GALNTL6: variants seen among roughly 807,000 people sequenced by gnomAD.
The protein encoded by GALNTL6 is polypeptide N-acetylgalactosaminyltransferase-like 6.
In GALNTL6, 46 loss-of-function variants were observed where a neutral mutation model predicts 73.7. That is an observed-to-expected ratio of 0.62 (90% confidence interval 0.49 to 0.80). The LOEUF is 0.80. Ranked by LOEUF, GALNTL6 falls within the 30% of genes least tolerant of loss-of-function variation. The pLI is 0.00. For missense variants in GALNTL6, 604 were observed against 755.0 expected, an observed-to-expected ratio of 0.80 and a Z score of 2.34; for synonymous variants, 259 against 263.7, an observed-to-expected ratio of 0.98 and a Z score of 0.17.
chr4:171,986,736 T>A (rs958850292), intron 2 of GALNTL6, among the ~76,000 whole-genome samples: 1 of 152,054 alleles, frequency 6.6e-6, no homozygotes, highest in African/African-American at 2.4e-5. Flanking sequence ...TTGTATGAAT[T>A]GAAAAACTAA....
intron 2 of GALNTL6, among the ~76,000 whole-genome samples, chr4:172,092,273 G>A (rs575299853): frequency 1.7e-4 from 26 of 151,986 alleles, no homozygotes; most frequent in South Asian, 6.2e-4. Flanking sequence ...TTATAATTAC[G>A]ACTAATAACA....
At chr4:172,379,961 T>C in intron 5 of GALNTL6, 1 of 750,630 alleles carries the variant, frequency 1.3e-6, no homozygotes. Flanking sequence ...GTCCATTAAA[T>C]GTAAACCAAA....
At chr4:172,159,312 C>T (rs541161967) in intron 2 of GALNTL6, among the ~76,000 whole-genome samples, 4 of 152,110 alleles carry the variant, frequency 2.6e-5, no homozygotes, top group African/African-American at 4.8e-5. Context: ...GTGAGCAAAT[C>T]GGTTATTGTC....
chr4:172,156,540 AATAT>A (rs5864120), intron 2 of GALNTL6, among the ~76,000 whole-genome samples: 2,053 of 125,078 alleles, frequency 0.016, 96 homozygotes, highest in African/African-American at 0.048. Context: ...ATATATATAT[AATAT>A]ATATATATAT....
chr4:172,191,512 G>A (rs1050858853), intron 2 of GALNTL6, among the ~76,000 whole-genome samples: 2 of 151,978 alleles, frequency 1.3e-5, no homozygotes, highest in African/African-American at 4.8e-5. Context: ...CTACTCTTAA[G>A]GATCCTCATG....
intron 7 of GALNTL6, among the ~76,000 whole-genome samples, chr4:172,835,336 A>C (rs575724484): frequency 6.6e-6 from 1 of 152,362 alleles, no homozygotes; most frequent in South Asian, 2.1e-4. Context: ...GAGACCTCGA[A>C]GGATGAGGAG....
At chr4:172,467,777 C>CA (rs1732876243) in intron 5 of GALNTL6, among the ~76,000 whole-genome samples, 1 of 151,102 alleles carries the variant, frequency 6.6e-6, no homozygotes, top group Non-Finnish European at 1.5e-5. Context: ...ACTTTCTGAA[C>CA]ATTTGTTGAG....
At chr4:172,768,363 G>T (rs1738561635) in intron 5 of GALNTL6, among the ~76,000 whole-genome samples, 2 of 152,102 alleles carry the variant, frequency 1.3e-5, no homozygotes, top group African/African-American at 4.8e-5. Flanking sequence ...ATACCAGTGG[G>T]GTATGGGAGG....
chr4:171,911,661 T>A (rs891080181), intron 2 of GALNTL6, among the ~76,000 whole-genome samples: 4 of 152,150 alleles, frequency 2.6e-5, no homozygotes, highest in Non-Finnish European at 4.4e-5. Flanking sequence ...ATAAGGAAAG[T>A]GTAGATGAGA....
chr4:172,126,564 A>G (rs1024792343), intron 2 of GALNTL6, among the ~76,000 whole-genome samples: 3 of 152,158 alleles, frequency 2.0e-5, no homozygotes, highest in Admixed American at 1.3e-4. Flanking sequence ...GCGGCTCCCC[A>G]GTGTGGGCAA....
At chr4:171,845,978 C>T (rs1198957753) in intron 2 of GALNTL6, among the ~76,000 whole-genome samples, 1 of 152,126 alleles carries the variant, frequency 6.6e-6, no homozygotes, top group Non-Finnish European at 1.5e-5. Flanking sequence ...CATGGTCATT[C>T]ACTGTAAATT....
chr4:171,939,687 T>A (rs893859511), intron 2 of GALNTL6, among the ~76,000 whole-genome samples: 2 of 152,018 alleles, frequency 1.3e-5, no homozygotes, highest in African/African-American at 4.8e-5. Flanking sequence ...AGGGTTATTA[T>A]CCTTCATTGT....
Position 172,972,066 on chromosome 4 carries a change from GAA to G in GALNTL6, c.1371+19814_1371+19815del, listed in dbSNP as rs1166919883. Among the ~76,000 whole-genome samples, 4 of 152,070 alleles carry G rather than the reference GAA, an allele frequency of 2.6e-5. No homozygotes were observed. The East Asian group carries it at 7.7e-4, about 29-fold the overall frequency. The stretch of plus-strand genomic sequence containing the variant: ...TAGGAAGCAAGGTAGAATACAGAGA[GAA>G]AAAAAGTCAAAAAGTTAAAAGAGAC... On this transcript the variant is annotated intron_variant, in intron 10 of 12. Transcript: ENST00000506823.
At chr4:171,826,980 T>C (rs1421600811) in intron 2 of GALNTL6, among the ~76,000 whole-genome samples, 1 of 152,124 alleles carries the variant, frequency 6.6e-6, no homozygotes, top group African/African-American at 2.4e-5. Flanking sequence ...ATCGGGAGTG[T>C]CAACCTTAAA....
intron 2 of GALNTL6, among the ~76,000 whole-genome samples, chr4:172,114,402 G>A (rs374006383): frequency 2.0e-5 from 3 of 152,082 alleles, no homozygotes; most frequent in Non-Finnish European, 2.9e-5. Context: ...TAAGTCATTC[G>A]TTCCTCATCA....
At chr4:172,217,332 G>C (rs1473425121) in intron 2 of GALNTL6, among the ~76,000 whole-genome samples, 3 of 152,134 alleles carry the variant, frequency 2.0e-5, no homozygotes, top group Admixed American at 2.0e-4. Flanking sequence ...ACATTGGAAA[G>C]TAAGTCGCAA....
chr4:172,347,134 C>T (rs148692164), intron 4 of GALNTL6, among the ~76,000 whole-genome samples: 93 of 151,774 alleles, frequency 6.1e-4, no homozygotes, highest in African/African-American at 2.1e-3. Flanking sequence ...GGATGACAGG[C>T]GTGTGCCACC....
At chr4:172,215,839 C>T (rs548480549) in intron 2 of GALNTL6, among the ~76,000 whole-genome samples, 1 of 152,120 alleles carries the variant, frequency 6.6e-6, no homozygotes, top group East Asian at 1.9e-4. Context: ...ATTCAATTTG[C>T]CCCCTTTCAT....
At chr4:172,768,586 C>T (rs979194255) in intron 5 of GALNTL6, among the ~76,000 whole-genome samples, 2 of 152,138 alleles carry the variant, frequency 1.3e-5, no homozygotes, top group Non-Finnish European at 2.9e-5. Context: ...GTGTCTTTAA[C>T]TAAAGGGTAG....
Sources: allele counts gnomAD v4.1 joint callset (sites outside exome capture counted in the v4.1 genomes callset), GRCh38; gene constraint gnomAD v4.1.1; transcripts MANE v1.5; gene names NCBI Gene and HGNC (gene_info 2026-07-23, HGNC 2026-07-21).